Variants in PLCB2 observed in about 807,000 individuals in gnomAD.
PLCB2 encodes 1-phosphatidylinositol 4,5-bisphosphate phosphodiesterase beta-2.
A neutral mutation model predicts 141.7 loss-of-function variants in PLCB2; 115 were observed. That is an observed-to-expected ratio of 0.81 (90% CI 0.70 to 0.95). PLCB2 has a LOEUF of 0.95. Among genes scored for constraint, PLCB2 ranks in the 40% least tolerant of loss-of-function variants. The pLI is 0.00. For missense variants in PLCB2, 1,403 were observed against 1,541.1 expected (o/e 0.91, Z 1.50); for synonymous variants, 603 against 595.6 (o/e 1.01, Z -0.18).
Position 40,298,447 on chromosome 15 carries a change from C to T in PLCB2, c.998-67G>A, listed in dbSNP as rs1473147458. On this transcript the variant is annotated intron_variant, in intron 10 of 31. Transcript: ENST00000260402. ...GGCAGCCCAGCTCTCCCCCTACCGC[C>T]ACTCCATCATGGTCTGTGTTATTCT... 1.9e-6 allele frequency: 3 copies of T among 1,578,700 alleles called. No individual in the cohort carries two copies. In the African/African-American group the frequency reaches 4.0e-5, roughly 21 times the overall value.
intron 7 of PLCB2, 138 bp from the exon 8 acceptor site, chr15:40,299,366 G>T: frequency 1.6e-6 from 1 of 617,576 alleles, no homozygotes; most frequent in Non-Finnish European, 2.9e-6. Flanking sequence ...GGACACCCAA[G>T]CATCCACTTC....
At chr15:40,296,240 G>C (rs1483508872) in intron 16 of PLCB2, 56 bp downstream of exon 16, 1 of 1,367,290 alleles carries the variant, frequency 7.3e-7, no homozygotes, top group Non-Finnish European at 1.0e-6. Context: ...CAAGTCCAAG[G>C]AAGGGGGAGA....
Position 40,307,612 on chromosome 15 carries a change from C to T in PLCB2, c.61G>A (p.Glu21Lys). The T allele has an allele frequency of 6.3e-7, 1 of 1,588,524 alleles. No homozygotes were observed. Among genetic ancestry groups the T allele is most frequent in the Non-Finnish European group, 8.6e-7 (1 of 1,165,834 alleles). ...PKVKAYLSQG[E>K]RFIKWDDETT... Reference sequence around the variant, plus strand: ...ACATCATCCCATTTGATGAAGCGCTCCCCTTGGCTCAGATAGGCCTTCACC... The same window carrying T: ...ACATCATCCCATTTGATGAAGCGCTTCCCTTGGCTCAGATAGGCCTTCACC... Residue 21 changes from glutamate (E) to lysine (K), a missense_variant, in exon 1 of 32, where the codon GAG becomes AAG. Physicochemically the swap from Glu to Lys is moderately conservative, Grantham distance 56. This residue lies in a region of PLCB2 where 975 missense variants were observed against 1,141.1 expected (regional missense o/e 0.85). Transcript: ENST00000260402.
chr15:40,291,386 C>T lies in PLCB2; in HGVS notation c.2749G>A (p.Ala917Thr), dbSNP rs772704297. Residue 917 changes from alanine (A) to threonine (T), a missense_variant, in exon 26 of 32, where the codon GCG becomes ACG. Ala to Thr is a moderately conservative substitution (Grantham distance 58, BLOSUM62 0). Coordinates refer to ENST00000260402, the MANE Select transcript of PLCB2 (RefSeq NM_004573.3). ...TGCAGCAGCTCCTCCCAGCGCCGCG[C>T]TCCGCGCCGCTCCAACTCTCGCAGC... ...KELRELERRG[A>T]RRWEELLQRG... 11 of 1,533,650 alleles carry T rather than the reference C, an allele frequency of 7.2e-6. No individual in the cohort carries two copies. The African/African-American group carries it at 1.4e-4, about 19-fold the overall frequency.
Position 40,296,978 on chromosome 15 carries a change from G to C in PLCB2, c.1324-70C>G, listed in dbSNP as rs977391123. On this transcript the variant is annotated intron_variant, in intron 13 of 31. Transcript: ENST00000260402. The stretch of plus-strand genomic sequence containing the variant: ...GCATAGCCTGAGCTCCTTATTACCA[G>C]GCATGCTCCCTCGGCCTCCCCCACT... The C allele has an allele frequency of 6.5e-6, 10 of 1,528,694 alleles. No homozygotes were observed. In the Admixed American group the frequency reaches 1.9e-4, roughly 28 times the overall value. 94.7% of individuals were successfully genotyped at this position (1,528,694 alleles called of 1,614,324 possible). A position where few individuals can be genotyped will look rare whatever the true frequency, so the allele number is the denominator to read the frequency against.
rs148503632 is a variant in PLCB2, at chr15:40,304,021, A to G, written c.142T>C (p.Tyr48His). The G allele has an allele frequency of 3.8e-6, 6 of 1,596,086 alleles. No individual in the cohort carries two copies. In the East Asian group the frequency reaches 1.4e-4, roughly 36 times the overall value. Residue 48 changes from tyrosine (Y) to histidine (H), a missense_variant, in exon 2 of 32, where the codon TAC (tyrosine) becomes CAC (histidine). Tyr to His is a moderately conservative substitution (Grantham distance 83, BLOSUM62 2). Coordinates refer to ENST00000260402, the MANE Select transcript of PLCB2 (RefSeq NM_004573.3). ...LRVDPKGYYL[Y>H]WTYQSKEMEF... is the part of the protein sequence containing the mutation. ...CTCACCTTACTTTGATACGTCCAGT[A>G]TAAGTAGTAGCCCTTAGGATCCACA... is the stretch of plus-strand genomic sequence containing the variant.
At position 40,304,729 on chromosome 15, in the gene PLCB2, C is replaced by T. The variant is rs187223045; in HGVS notation, c.85-651G>A. Reference sequence around the variant, plus strand: ...TCCAGGACAACAAGCCTGTGCTAGACCTTGAGCTTGGTGCTTGGTGCTTGG... The same window carrying T: ...TCCAGGACAACAAGCCTGTGCTAGATCTTGAGCTTGGTGCTTGGTGCTTGG... On this transcript the variant is annotated intron_variant, in intron 1 of 31. Transcript: ENST00000260402. Among the ~76,000 whole-genome samples the T allele has an allele frequency of 2.6e-4, 40 of 152,264 alleles. No homozygotes were observed. In the East Asian group the frequency reaches 6.0e-3, roughly 23 times the overall value.
intron 3 of PLCB2, 101 bp from the exon 4 acceptor site, chr15:40,302,710 T>G: frequency 7.7e-7 from 1 of 1,298,470 alleles, no homozygotes; most frequent in Non-Finnish European, 1.1e-6. Flanking sequence ...TATGGCCCAC[T>G]GGGCAGAACC....
At position 40,297,259 on chromosome 15, in the gene PLCB2, C is replaced by G. The variant is rs12438880; in HGVS notation, c.1323+262G>C. 0.27 allele frequency among the ~76,000 whole-genome samples: 41,673 copies of G among 151,906 alleles called. 6,438 individuals carry two copies. Among genetic ancestry groups the G allele is most frequent in the East Asian group, 0.66 (3,369 of 5,130 alleles). ...TCCCCAGGTGCTCCCATAACAACCA[C>G]TGGATTGTAATGGCCTGGTTACTTG... On this transcript the variant is annotated intron_variant, in intron 13 of 31. Coordinates refer to ENST00000260402, the MANE Select transcript of PLCB2 (RefSeq NM_004573.3). This position sits in a 1 kb window ranked among gnomAD's most constrained non-coding sequence, Gnocchi z 4.2.
chr15:40,304,134 GT>G, intron 1 of PLCB2, 56 bp from the exon 2 acceptor site: 17 of 1,228,360 alleles, frequency 1.4e-5, no homozygotes, highest in Non-Finnish European at 1.9e-5. Flanking sequence ...AGCCTCCCTG[GT>G]CCAGGCCAGG....
intron 31 of PLCB2, 118 bp from the exon 32 acceptor site, chr15:40,289,036 G>A (rs1173123734): frequency 1.4e-6 from 2 of 1,432,550 alleles, no homozygotes; most frequent in Non-Finnish European, 1.9e-6. Flanking sequence ...CCAGGAGACT[G>A]GGGTGAGAGG....
intron 3 of PLCB2, among the ~76,000 whole-genome samples, 160 bp downstream of exon 3, chr15:40,303,128 C>T (rs1359651074): frequency 6.6e-6 from 1 of 152,210 alleles, no homozygotes; most frequent in Non-Finnish European, 1.5e-5. Flanking sequence ...GGAGCTGCCG[C>T]TCCCCTTCCT....
intron 3 of PLCB2, 146 bp from the exon 4 acceptor site, chr15:40,302,755 C>T: frequency 1.2e-6 from 1 of 840,080 alleles, no homozygotes; most frequent in Non-Finnish European, 1.8e-6. Flanking sequence ...GCCTTAGCAT[C>T]TTCCTGTCCC....
chr15:40,303,282 A>G lies in PLCB2; in HGVS notation c.231+6T>C, dbSNP rs1235342786. 2.5e-6 allele frequency: 4 copies of G among 1,608,636 alleles called. No homozygotes were observed. The highest frequency in any genetic ancestry group is 3.4e-6 in the Non-Finnish European group (4 of 1,174,986). ...TTGAGCCTGGGCTGCTACTGGACAC[A>G]CCTACCTTGGGCATCTTGGCAAACT... On this transcript the variant is annotated splice_donor_region_variant and intron_variant, in intron 3 of 31. Transcript: ENST00000260402.
intron 31 of PLCB2, 167 bp downstream of exon 31, chr15:40,289,105 G>A: frequency 9.7e-7 from 1 of 1,026,812 alleles, no homozygotes; most frequent in Non-Finnish European, 1.4e-6. Context: ...ATCCTAACCA[G>A]GCGGAGATCT....
rs774487611 is a variant in PLCB2, at chr15:40,292,159, C to T, written c.2432-1G>A. The T allele has an allele frequency of 9.9e-6, 16 of 1,613,470 alleles. No homozygotes were observed. In the Admixed American group the frequency reaches 2.2e-4, roughly 22 times the overall value. ...GGGTTGGCGAGGGCCACAGTGAGAT[C>T]TGGGTGGGTGCACAGGACATTACAA... On this transcript the variant is annotated splice_acceptor_variant, in intron 22 of 31. Transcript: ENST00000260402. LOFTEE classifies it high-confidence loss of function.
In PLCB2 at chr15:40,288,774, C is replaced by G; in HGVS notation, c.3499G>C (p.Glu1167Gln). 1 of 1,613,784 alleles carries G rather than the reference C, an allele frequency of 6.2e-7. No individual in the cohort carries two copies. The highest frequency in any genetic ancestry group is 1.1e-5 in the South Asian group (1 of 91,070). Residue 1167 changes from glutamate (E) to glutamine (Q), a missense_variant, in exon 32 of 32, where the codon GAG becomes CAG. Physicochemically the swap from Glu to Gln is conservative, Grantham distance 29. Around this residue, in one of 4 missense-constraint regions of PLCB2, gnomAD observed 132 missense variants for 132.4 expected, o/e 1.00. Transcript: ENST00000260402. ...ATGAGTGGGTCCTGCTCACACAGCT[C>G]TGGGGGGCACTCGCAGGCCCTCTCA... ...KPERACECPP[E>Q]LCEQDPLIAK...
intron 29 of PLCB2, 111 bp downstream of exon 29, chr15:40,290,460 TGGAGAG>T: frequency 1.3e-6 from 1 of 794,814 alleles, no homozygotes; most frequent in South Asian, 1.5e-5. Flanking sequence ...ATCCGCTTTT[TGGAGAG>T]CCAGGGGACA....
At position 40,298,881 on chromosome 15, in the gene PLCB2, G is replaced by C. The variant is rs2040370582; in HGVS notation, c.767C>G (p.Ser256Cys). 4 of 1,612,270 alleles carry C rather than the reference G, an allele frequency of 2.5e-6. No homozygotes were observed. The highest frequency in any genetic ancestry group is 2.5e-6 in the Non-Finnish European group (3 of 1,180,028). ...NQKQRDSRLN[S>C]LLFPPARPDQ... ...AGGCCGTGCTGGCGGGAACAGCAGG[G>C]AGTTAAGCCGGGAGTCCCGCTGTTT... Residue 256 changes from serine to cysteine, a missense_variant, in exon 9 of 32, where the codon TCC becomes TGC. Ser to Cys is a moderately radical substitution (Grantham distance 112). Transcript: ENST00000260402.
Sources: gnomAD v4.1 joint callset for allele counts (sites outside exome capture counted in the v4.1 genomes callset) on GRCh38, gnomAD v4.1.1 for gene constraint, gnomAD v4.1.1 regional missense constraint, Gnocchi (gnomAD v3.1) non-coding constraint, MANE v1.5 for transcripts, NCBI Gene and HGNC (gene_info 2026-07-23, HGNC 2026-07-21) for gene names.